Variants in PRELID2 observed in about 807,000 individuals in gnomAD.
The protein encoded by PRELID2 is PRELI domain containing 2.
In PRELID2, 25 loss-of-function variants were observed where a neutral mutation model predicts 28.4. The ratio of observed to expected loss-of-function variants is 0.88; its 90% CI spans 0.64 to 1.23. The LOEUF is 1.23. Among genes scored for constraint, PRELID2 ranks in the 50% most tolerant of loss-of-function variants. The pLI is 0.00. For synonymous variants in PRELID2, 76 were observed against 71.6 expected (o/e 1.06, Z -0.31); for missense variants, 201 against 214.4 (o/e 0.94, Z 0.39).
At chr5:145,741,920 AC>A (rs1248790597) in intron 1 of PRELID2, among the ~76,000 whole-genome samples, 3 of 107,234 alleles carry the variant, frequency 2.8e-5, no homozygotes, top group Non-Finnish European at 5.2e-5. Flanking sequence ...ATATAAATAA[AC>A]AAATAAATTT....
chr5:145,742,531 C>A (rs1465784881), intron 1 of PRELID2, among the ~76,000 whole-genome samples: 28 of 107,586 alleles, frequency 2.6e-4, no homozygotes, highest in African/African-American at 4.9e-4. Flanking sequence ...CAAGGGATAC[C>A]AAAAAAAAAA....
the PRELID2 span, among the ~76,000 whole-genome samples, chr5:145,352,221 C>A: frequency 6.6e-6 from 1 of 152,204 alleles, no homozygotes; most frequent in Non-Finnish European, 1.5e-5. Flanking sequence ...AGCACAGGTT[C>A]TCCATGAGGG....
the PRELID2 span, among the ~76,000 whole-genome samples, chr5:145,282,058 T>C: frequency 1.3e-5 from 2 of 152,196 alleles, no homozygotes; most frequent in East Asian, 1.9e-4. Context: ...AATAGCCTTT[T>C]TAATACTGAT....
chr5:145,266,318 G>A, the PRELID2 span, among the ~76,000 whole-genome samples: 4 of 148,164 alleles, frequency 2.7e-5, no homozygotes, highest in Admixed American at 2.7e-4. Flanking sequence ...AGCATCTCTT[G>A]TAAAATGGAA....
chr5:145,470,267 G>T (rs1328311413), downstream of PRELID2, among the ~76,000 whole-genome samples: 3 of 152,092 alleles, frequency 2.0e-5, no homozygotes, highest in African/African-American at 7.2e-5. Flanking sequence ...GAGCATGGCT[G>T]TGGTCCAATA....
At chr5:145,229,175 G>A in the PRELID2 span, 2 of 921,426 alleles carry the variant, frequency 2.2e-6, no homozygotes, top group African/African-American at 1.6e-5. Context: ...CCACAAGAAA[G>A]GGGAACGATC....
the PRELID2 span, among the ~76,000 whole-genome samples, chr5:145,405,074 C>A: frequency 6.6e-6 from 1 of 152,142 alleles, no homozygotes; most frequent in Non-Finnish European, 1.5e-5. Context: ...AAAAAAACTT[C>A]AAGTGCCACG....
chr5:145,804,033 C>T (rs969352267), intron 4 of PRELID2, among the ~76,000 whole-genome samples: 7 of 152,146 alleles, frequency 4.6e-5, no homozygotes, highest in African/African-American at 1.4e-4. Context: ...AAGCGCTTTC[C>T]CTCTGAGCTG....
chr5:145,475,531 C>T (rs1051845582), intron 1 of PRELID2, among the ~76,000 whole-genome samples: 1 of 152,132 alleles, frequency 6.6e-6, no homozygotes, highest in Non-Finnish European at 1.5e-5. Context: ...TACATGAATG[C>T]ATTGTACCAA....
At chr5:145,266,693 C>T in the PRELID2 span, among the ~76,000 whole-genome samples, 1 of 152,236 alleles carries the variant, frequency 6.6e-6, no homozygotes, top group South Asian at 2.1e-4. Context: ...TCCTGGGTAT[C>T]TACTCAGAGG....
Position 145,615,577 on chromosome 5 carries a change from C to G in PRELID2, n.71-142262G>C, listed in dbSNP as rs368583689. On this transcript the variant is annotated intron_variant and non_coding_transcript_variant, in intron 1 of 2. Coordinates refer to the PRELID2 transcript ENST00000510259. ...TCCTGACCTCGTGATCTGCCCGCCT[C>G]GGCCTCCCAAAGTGCTGGGATTACA... is the stretch of plus-strand genomic sequence containing the variant. Among the ~76,000 whole-genome samples the G allele has an allele frequency of 2.0e-4, 30 of 149,902 alleles. 1 individual carries two copies. In the East Asian group the frequency reaches 3.5e-3, roughly 18 times the overall value.
At chr5:145,489,372 G>A (rs2126625011) in intron 1 of PRELID2, among the ~76,000 whole-genome samples, 1 of 152,226 alleles carries the variant, frequency 6.6e-6, no homozygotes, top group East Asian at 1.9e-4. Context: ...TTTAGTGATA[G>A]TAATACTGTT....
the PRELID2 span, among the ~76,000 whole-genome samples, chr5:145,300,368 C>T: frequency 6.6e-6 from 1 of 152,088 alleles, no homozygotes; most frequent in Admixed American, 6.6e-5. Flanking sequence ...TACAGGGGCT[C>T]ATTCCTACTC....
At chr5:145,744,548 G>A (rs190602060) in intron 1 of PRELID2, among the ~76,000 whole-genome samples, 7 of 152,254 alleles carry the variant, frequency 4.6e-5, no homozygotes, top group East Asian at 3.9e-4. Context: ...ATCGCCAGGC[G>A]CGGTAGTGAA....
At chr5:145,745,710 A>G (rs930605216) in intron 1 of PRELID2, among the ~76,000 whole-genome samples, 1 of 152,040 alleles carries the variant, frequency 6.6e-6, no homozygotes, top group African/African-American at 2.4e-5. Context: ...AAAAATAGAA[A>G]CAATTAGCTG....
chr5:145,467,756 C>T (rs1285479331), downstream of PRELID2, among the ~76,000 whole-genome samples: 1 of 143,170 alleles, frequency 7.0e-6, no homozygotes, highest in African/African-American at 2.5e-5. Context: ...TACCGCCTGA[C>T]TTTACAGATT....
chr5:145,681,773 G>A (rs1383636208), intron 1 of PRELID2, among the ~76,000 whole-genome samples: 2 of 152,148 alleles, frequency 1.3e-5, no homozygotes, highest in Non-Finnish European at 2.9e-5. Flanking sequence ...AGTAGCAATA[G>A]TGCATCCATT....
intron 1 of PRELID2, among the ~76,000 whole-genome samples, chr5:145,503,549 T>C (rs892297968): frequency 1.3e-5 from 2 of 152,098 alleles, no homozygotes; most frequent in African/African-American, 4.8e-5. Flanking sequence ...ATCACTATTA[T>C]CATTTTCATT....
the PRELID2 span, among the ~76,000 whole-genome samples, chr5:145,312,279 A>C: frequency 6.6e-6 from 1 of 152,050 alleles, no homozygotes; most frequent in Admixed American, 6.6e-5. Context: ...TGAGCCCAGG[A>C]GGTCGAGGCT....
Sources: allele counts gnomAD v4.1 joint callset (sites outside exome capture counted in the v4.1 genomes callset), GRCh38; gene constraint gnomAD v4.1.1; transcripts MANE v1.5; gene names NCBI Gene and HGNC (gene_info 2026-07-23, HGNC 2026-07-21).